The following PDE1C variants were observed in gnomAD, a reference collection of about 807,000 sequenced individuals.
PDE1C encodes the protein phosphodiesterase 1C.
In PDE1C, 62 loss-of-function variants were observed where a neutral mutation model predicts 93.1. The ratio of observed to expected loss-of-function variants is 0.67; its 90% confidence interval spans 0.54 to 0.82. The LOEUF (loss-of-function observed/expected upper bound fraction) is 0.82. Among genes scored for constraint, PDE1C ranks in the 40% least tolerant of loss-of-function variants. The pLI is 0.00. For synonymous variants in PDE1C, 325 were observed against 310.1 expected, an observed-to-expected ratio of 1.05 and a Z score of -0.50; for missense variants, 742 against 884.6, an observed-to-expected ratio of 0.84 and a Z score of 2.04.
At chr7:31,769,625 AT>A (rs960357675) in intron 17 of PDE1C, among the ~76,000 whole-genome samples, 2 of 152,138 alleles carry the variant, frequency 1.3e-5, no homozygotes, top group Non-Finnish European at 2.9e-5. Flanking sequence ...CAAACCATAA[AT>A]TTTGCCCTTT....
At chr7:31,696,759 G>A in the PDE1C span, among the ~76,000 whole-genome samples, 1 of 152,142 alleles carries the variant, frequency 6.6e-6, no homozygotes, top group Non-Finnish European at 1.5e-5. Context: ...ATAAAATCAA[G>A]CATGCAAAAC....
At chr7:32,130,787 G>A (rs1195664267) in intron 3 of PDE1C, among the ~76,000 whole-genome samples, 1 of 151,994 alleles carries the variant, frequency 6.6e-6, no homozygotes, top group Non-Finnish European at 1.5e-5. Flanking sequence ...TGAAGAAAAG[G>A]AGAGAGTCAA....
intron 17 of PDE1C, among the ~76,000 whole-genome samples, chr7:31,772,519 T>A (rs559389598): frequency 6.6e-6 from 1 of 152,182 alleles, no homozygotes; most frequent in South Asian, 2.1e-4. Context: ...TCTCTTTTTT[T>A]TTTTTCTGGT....
chr7:31,861,580 G>C (rs780509220), intron 7 of PDE1C, among the ~76,000 whole-genome samples: 5 of 151,984 alleles, frequency 3.3e-5, no homozygotes, highest in Non-Finnish European at 7.4e-5. Context: ...AGGCATTCTT[G>C]TCAACTGTTT....
At chr7:31,724,030 G>T in the PDE1C span, among the ~76,000 whole-genome samples, 2 of 152,112 alleles carry the variant, frequency 1.3e-5, no homozygotes, top group Non-Finnish European at 2.9e-5. Flanking sequence ...GCTAGCTTGC[G>T]ATCTATTTAT....
chr7:31,692,342 G>C, the PDE1C span: 1 of 968,690 alleles, frequency 1.0e-6, no homozygotes, highest in Non-Finnish European at 1.6e-6. Flanking sequence ...TATTTACTTA[G>C]CAAATGATTG....
chr7:31,959,733 T>C (rs1414599912), intron 2 of PDE1C, among the ~76,000 whole-genome samples: 1 of 152,216 alleles, frequency 6.6e-6, no homozygotes, highest in African/African-American at 2.4e-5. Flanking sequence ...GTCCCTATTA[T>C]GCTTCTTAAG....
At chr7:32,317,461 A>C (rs1783198782) in intron 1 of PDE1C, among the ~76,000 whole-genome samples, 1 of 152,078 alleles carries the variant, frequency 6.6e-6, no homozygotes, top group South Asian at 2.1e-4. Context: ...AGAGGGTGTA[A>C]AATTCCAGAT....
intron 2 of PDE1C, among the ~76,000 whole-genome samples, chr7:32,034,533 A>T (rs1790784005): frequency 1.3e-5 from 2 of 152,112 alleles, no homozygotes; most frequent in Non-Finnish European, 2.9e-5. Context: ...TTCTCTACAA[A>T]AATTATTTTC....
chr7:32,347,595 A>T (rs1277491260), intron 1 of PDE1C, among the ~76,000 whole-genome samples: 2 of 152,192 alleles, frequency 1.3e-5, no homozygotes, highest in Non-Finnish European at 2.9e-5. Context: ...TGACTTAATA[A>T]AGCGAGGGCC....
the PDE1C span, chr7:31,643,149 C>A: frequency 3.1e-6 from 5 of 1,613,946 alleles, no homozygotes; most frequent in South Asian, 2.2e-5. Context: ...AAAGCCACCA[C>A]AATGAGTCTC....
At chr7:32,008,751 C>T (rs1435134372) in intron 2 of PDE1C, among the ~76,000 whole-genome samples, 2 of 152,054 alleles carry the variant, frequency 1.3e-5, no homozygotes, top group Non-Finnish European at 2.9e-5. Context: ...AAAAAAAAGA[C>T]ATGACTATAT....
chr7:32,003,139 G>C (rs1303357288), intron 2 of PDE1C, among the ~76,000 whole-genome samples: 4 of 152,234 alleles, frequency 2.6e-5, no homozygotes, highest in African/African-American at 9.6e-5. Context: ...GCCTACGACA[G>C]AGCTACTCAG....
chr7:31,668,472 G>A, the PDE1C span, among the ~76,000 whole-genome samples: 14 of 139,588 alleles, frequency 1.0e-4, no homozygotes, highest in African/African-American at 1.4e-4. Context: ...GTCTATCCAC[G>A]CAAAGGAGTA....
intron 6 of PDE1C, among the ~76,000 whole-genome samples, chr7:31,869,911 G>T (rs1795728176): frequency 6.6e-6 from 1 of 151,956 alleles, no homozygotes; most frequent in Non-Finnish European, 1.5e-5. Context: ...AATATCAAGT[G>T]TCTTCTCAGA....
At chr7:31,676,929 T>G in the PDE1C span, among the ~76,000 whole-genome samples, 1 of 152,232 alleles carries the variant, frequency 6.6e-6, no homozygotes, top group Non-Finnish European at 1.5e-5. Context: ...ACTCAGTGGC[T>G]GCCTATGCTC....
chr7:32,240,336 T>C (rs1562609414), intron 1 of PDE1C, among the ~76,000 whole-genome samples: 1 of 152,226 alleles, frequency 6.6e-6, no homozygotes, highest in Non-Finnish European at 1.5e-5. Flanking sequence ...GCTTACTATA[T>C]GCTAGGCACT....
At chr7:32,381,503 C>T (rs978239321) in intron 1 of PDE1C, among the ~76,000 whole-genome samples, 1 of 152,176 alleles carries the variant, frequency 6.6e-6, no homozygotes, top group Non-Finnish European at 1.5e-5. Flanking sequence ...CCCCTCCTCT[C>T]CTGCTGGCTC....
intron 2 of PDE1C, among the ~76,000 whole-genome samples, chr7:31,995,228 G>T (rs1018369187): frequency 7.2e-5 from 11 of 151,994 alleles, no homozygotes; most frequent in African/African-American, 2.7e-4. Flanking sequence ...CTGCCCAAAG[G>T]GTTCCTAAAA....
Sources: allele counts gnomAD v4.1 joint callset (sites outside exome capture counted in the v4.1 genomes callset), GRCh38; gene constraint gnomAD v4.1.1; transcripts MANE v1.5; gene names NCBI Gene and HGNC (gene_info 2026-07-23, HGNC 2026-07-21).